The following HNRNPL variants were observed in gnomAD, a reference collection of about 807,000 sequenced individuals.
HNRNPL encodes the protein epididymis secretory sperm binding protein.
In HNRNPL, 12 loss-of-function variants were observed where a neutral mutation model predicts 64.0. The ratio of observed to expected loss-of-function variants is 0.19; its 90% CI spans 0.12 to 0.30. HNRNPL has a LOEUF of 0.30. Ranked by LOEUF, HNRNPL falls within the 10% of genes least tolerant of loss-of-function variation. HNRNPL has a pLI of 1.00. For synonymous variants in HNRNPL, 385 were observed against 313.0 expected (o/e 1.23, Z -2.43); for missense variants, 484 against 797.4 (o/e 0.61, Z 4.73).
chr19:38,840,656 C>G (rs11083481), intron 6 of HNRNPL, 97 bp from the exon 7 acceptor site: 6 of 965,520 alleles, frequency 6.2e-6, no homozygotes, highest in Non-Finnish European at 8.0e-6. Flanking sequence ...CAGCTCCTGC[C>G]AACTGCAAGC....
At chr19:38,843,101 G>A (rs868049744) in intron 6 of HNRNPL, among the ~76,000 whole-genome samples, 7 of 152,224 alleles carry the variant, frequency 4.6e-5, no homozygotes, top group South Asian at 4.2e-4. Context: ...GGGCCTGTGC[G>A]ATGTCAGCAT....
chr19:38,844,136 G>A (rs1294645165), intron 4 of HNRNPL, 32 bp from the exon 5 acceptor site: 11 of 1,407,860 alleles, frequency 7.8e-6, no homozygotes, highest in Non-Finnish European at 1.1e-5. Context: ...CCCATCACAG[G>A]AGATCTTTGA....
chr19:38,840,080 C>A lies in HNRNPL; in HGVS notation c.1233+16G>T, dbSNP rs1239629187. On this transcript the variant is annotated intron_variant, in intron 8 of 12. Transcript: ENST00000221419. ...GAGGCTCAGCGAGGAACCCAGGGGG[C>A]CCGGCAGCAGCTCACCTTCTCCACA... is the stretch of plus-strand genomic sequence containing the variant. The A allele has an allele frequency of 1.2e-6, 2 of 1,612,526 alleles. No homozygotes were observed.
In HNRNPL at chr19:38,838,513, G is replaced by C; in HGVS notation, c.1441C>G (p.Arg481Gly). 1 of 1,614,052 alleles carries C rather than the reference G, an allele frequency of 6.2e-7. No homozygotes were observed. Among genetic ancestry groups the C allele is most frequent in the Non-Finnish European group, 8.5e-7 (1 of 1,179,952 alleles). ...SCSYKDFSES[R>G]NNRFSTPEQA... ...TCTGGGGTGGAGAACCGATTGTTCC[G>C]GGATTCACTGAAGTCTTTGTAACTG... Residue 481 changes from arginine (R) to glycine (G), a missense_variant, in exon 10 of 13, where the codon CGG becomes GGG. Physicochemically the swap from Arg to Gly is moderately radical, Grantham distance 125. Around this residue, in one of 9 missense-constraint regions of HNRNPL, gnomAD observed 53 missense variants for 131.3 expected, o/e 0.40. Transcript: ENST00000221419.
At chr19:38,840,908 G>A (rs1274771558) in intron 6 of HNRNPL, 2 of 292,852 alleles carry the variant, frequency 6.8e-6, no homozygotes, top group African/African-American at 2.3e-5. Context: ...ATTATGGCGG[G>A]CCAAAAGCAG....
At chr19:38,841,495 T>G in intron 6 of HNRNPL, 1 of 476,020 alleles carries the variant, frequency 2.1e-6, no homozygotes, top group Non-Finnish European at 4.0e-6. Flanking sequence ...TGCCCTTTCC[T>G]GCCACCCGGC....
At chr19:38,842,424 T>C (rs1231790183) in intron 6 of HNRNPL, 1 of 152,172 alleles carries the variant, frequency 6.6e-6, no homozygotes, top group Non-Finnish European at 1.5e-5. Context: ...TTTTGACCTT[T>C]TTTTTAATGT....
chr19:38,844,141 C>A (rs1972205760), intron 4 of HNRNPL, 37 bp from the exon 5 acceptor site: 4 of 1,370,556 alleles, frequency 2.9e-6, no homozygotes, highest in South Asian at 2.3e-5. Context: ...CACAGGAGAT[C>A]TTTGAGAAGG....
At chr19:38,840,919 C>T (rs1202371878) in intron 6 of HNRNPL, 2 of 275,324 alleles carry the variant, frequency 7.3e-6, no homozygotes. Context: ...CCAAAAGCAG[C>T]TTTCTAAAGT....
In HNRNPL at chr19:38,840,601, G is replaced by A. The variant is rs926985447; in HGVS notation, c.881-42C>T. The A allele has an allele frequency of 3.3e-6, 5 of 1,496,054 alleles. No homozygotes were observed. In the East Asian group the frequency reaches 7.4e-5, roughly 22 times the overall value. The allele number at this position is 1,496,054 out of a possible 1,614,324, so 92.7% of individuals were successfully genotyped here. A position where few individuals can be genotyped will look rare whatever the true frequency, so the allele number is the denominator to read the frequency against. ...CAGTTAGGAGTCTCACTCAGAAATT[G>A]GGGTCTCTCCCTCCCTCCTGACTGC... is the stretch of plus-strand genomic sequence containing the variant. On this transcript the variant is annotated intron_variant, in intron 6 of 12. Coordinates refer to ENST00000221419, the MANE Select transcript of HNRNPL (RefSeq NM_001533.3).
At chr19:38,849,382 TA>T (rs1028799380) in intron 1 of HNRNPL, 1 of 291,596 alleles carries the variant, frequency 3.4e-6, no homozygotes, top group East Asian at 5.6e-5. Context: ...AAGAAAATGA[TA>T]AAGGGGAAAA....
intron 8 of HNRNPL, 22 bp from the exon 9 acceptor site, chr19:38,839,037 C>A: frequency 6.2e-7 from 1 of 1,613,456 alleles, no homozygotes; most frequent in South Asian, 1.1e-5. Context: ...TAGCTGCAGT[C>A]AGCACCTCTG....
chr19:38,841,701 C>G (rs1972122673), intron 6 of HNRNPL: 8 of 1,205,708 alleles, frequency 6.6e-6, no homozygotes, highest in Non-Finnish European at 8.8e-6. Context: ...CATGGTTTTA[C>G]AGTCATAAAT....
rs550111763 is a variant in HNRNPL, at chr19:38,844,315, CAG to C, written c.711-213_711-212del. On this transcript the variant is annotated intron_variant, in intron 4 of 12. Transcript: ENST00000221419. ...CTGCCCCGGGTGAGCAGTCACTGGCCAGAGTTCTCTCATAATCTGCACCCCGA... is the reference window on the plus strand; with the variant it reads ...CTGCCCCGGGTGAGCAGTCACTGGCCAGTTCTCTCATAATCTGCACCCCGA... 1.3e-3 allele frequency among the ~76,000 whole-genome samples: 196 copies of C among 152,284 alleles called. 1 individual carries two copies. The highest frequency in any genetic ancestry group is 4.4e-3 in the African/African-American group (182 of 41,550).
At chr19:38,850,072 A>C (rs567784679), upstream of HNRNPL, 38 of 907,266 alleles carry the variant, frequency 4.2e-5, no homozygotes, top group African/African-American at 6.2e-4. Flanking sequence ...CCGCGGGGGG[A>C]GGGTAGGCCG....
Position 38,845,697 on chromosome 19 carries a change from G to C in HNRNPL, c.663C>G (p.Val221=), listed in dbSNP as rs975016782. The change falls in exon 4 of 13, where the codon GTC becomes GTG. Residue 221 remains valine (V), a synonymous_variant. Transcript: ENST00000221419. ...TCTTCCTGAAAATGACAATTCTCTG[G>C]ACAGGGCCACAAGGATTACAGATAG... ...LYTICNPCGP[V]QRIVIFRKNG... 8 of 1,613,826 alleles carry C rather than the reference G, an allele frequency of 5.0e-6. No homozygotes were observed. In the African/African-American group the frequency reaches 1.1e-4, roughly 22 times the overall value.
chr19:38,840,818 C>T, intron 6 of HNRNPL: 1 of 507,612 alleles, frequency 2.0e-6, no homozygotes, highest in Non-Finnish European at 3.4e-6. Context: ...AGATTCTGTG[C>T]TCTCACCTAC....
intron 2 of HNRNPL, among the ~76,000 whole-genome samples, chr19:38,846,580 T>C (rs556752656): frequency 6.6e-6 from 1 of 152,276 alleles, no homozygotes; most frequent in Admixed American, 6.5e-5. Flanking sequence ...GAGACCAGCC[T>C]GGCCAACATG....
chr19:38,838,753 G>A lies in HNRNPL; in HGVS notation c.1355+141C>T, dbSNP rs559373426. 1.9e-5 allele frequency: 25 copies of A among 1,334,364 alleles called. No homozygotes were observed. In the South Asian group the frequency reaches 2.4e-4, roughly 13 times the overall value. The allele number at this position is 1,334,364 out of a possible 1,614,324, so 82.7% of individuals were successfully genotyped here. ...ACTCACTTTCTCCTGTGGTGTCAGA[G>A]ACACGTCTGGGAACACACCTGCCAC... On this transcript the variant is annotated intron_variant, in intron 9 of 12. Coordinates refer to ENST00000221419, the MANE Select transcript of HNRNPL (RefSeq NM_001533.3).
Sources: gnomAD v4.1 joint callset for allele counts (sites outside exome capture counted in the v4.1 genomes callset) on GRCh38, gnomAD v4.1.1 for gene constraint, gnomAD v4.1.1 regional missense constraint, MANE v1.5 for transcripts, NCBI Gene and HGNC (gene_info 2026-07-23, HGNC 2026-07-21) for gene names.